NEO1: variants seen among roughly 807,000 people sequenced by gnomAD.
NEO1 encodes neogenin 1.
NEO1 carries 63 observed loss-of-function variants against 159.7 expected under a neutral mutation model. The observed-to-expected ratio is 0.39, with a 90% confidence interval of 0.32 to 0.49. The LOEUF is 0.49. Among genes scored for constraint, NEO1 ranks in the 20% least tolerant of loss-of-function variants. NEO1 has a pLI of 0.85. For missense variants in NEO1, 1,615 were observed against 1,831.0 expected (o/e 0.88, Z 2.15); for synonymous variants, 633 against 662.0 (o/e 0.96, Z 0.67).
Position 73,298,458 on chromosome 15 carries a change from A to G in NEO1, c.4012A>G (p.Ser1338Gly). The G allele has an allele frequency of 6.2e-7, 1 of 1,614,178 alleles. No individual in the cohort carries two copies. Among genetic ancestry groups the G allele is most frequent in the African/African-American group, 1.3e-5 (1 of 75,030 alleles). ...EGATSSSYLASSQEEDSGQSL... is the reference protein window; with the variant it reads ...EGATSSSYLAGSQEEDSGQSL... The stretch of plus-strand genomic sequence containing the variant: ...TGCTACCAGCTCCTCTTACTTGGCC[A>G]GCTCCCAAGAGGAAGATTCAGGCCA... The change falls in exon 27 of 29, where the codon AGC becomes GGC. Residue 1338 changes from serine to glycine, a missense_variant. Physicochemically the swap from Ser to Gly is moderately conservative, Grantham distance 56. This residue lies in a region of NEO1 where 471 missense variants were observed against 498.9 expected (regional missense o/e 0.94). Transcript: ENST00000261908.
intron 1 of NEO1, among the ~76,000 whole-genome samples, chr15:73,106,536 A>C (rs2070702575): frequency 6.6e-6 from 1 of 152,198 alleles, no homozygotes. Context: ...ATTACTTAAA[A>C]TCTTAATTTA....
intron 1 of NEO1, among the ~76,000 whole-genome samples, chr15:73,115,862 G>C (rs934312791): frequency 3.3e-5 from 5 of 152,076 alleles, no homozygotes; most frequent in African/African-American, 1.2e-4. Flanking sequence ...ATGAATTCTA[G>C]ATGAAGATTA....
At chr15:73,265,170 GGTGGGAGAAGACAA>G (rs1463334141) in intron 15 of NEO1, among the ~76,000 whole-genome samples, 2 of 152,152 alleles carry the variant, frequency 1.3e-5, no homozygotes, top group African/African-American at 4.8e-5. Flanking sequence ...GGCAAAGAGT[GGTGGGAGAAGACAA>G]GTAGTAGATT....
intron 5 of NEO1, among the ~76,000 whole-genome samples, chr15:73,136,667 T>A (rs562018756): frequency 6.6e-6 from 1 of 152,298 alleles, no homozygotes; most frequent in Non-Finnish European, 1.5e-5. Flanking sequence ...CTTTTTCTCC[T>A]ACTCTTCCCT....
chr15:73,154,114 T>C (rs931859441), intron 5 of NEO1, among the ~76,000 whole-genome samples: 2 of 152,176 alleles, frequency 1.3e-5, no homozygotes, highest in Non-Finnish European at 2.9e-5. Context: ...TATGTCCTTT[T>C]AAGGAAAATT....
chr15:73,153,235 A>G lies in NEO1; in HGVS notation c.1015+17208A>G, dbSNP rs556054232. 7.9e-5 allele frequency among the ~76,000 whole-genome samples: 12 copies of G among 152,292 alleles called. No individual in the cohort carries two copies. In the East Asian group the frequency reaches 2.3e-3, roughly 29 times the overall value. On this transcript the variant is annotated intron_variant, in intron 5 of 28. Coordinates refer to ENST00000261908, the MANE Select transcript of NEO1 (RefSeq NM_002499.4). ...TGCTGTAACTCAGTCCACAGATCCA[A>G]ATGCTTTTCTCTTCTGGAAACACCC...
intron 5 of NEO1, among the ~76,000 whole-genome samples, chr15:73,161,586 G>T (rs914900589): frequency 1.3e-5 from 2 of 152,140 alleles, no homozygotes; most frequent in Non-Finnish European, 1.5e-5. Flanking sequence ...GCAAAGGGTG[G>T]ATTTCCATCT....
At chr15:73,125,997 A>G (rs1259937076) in intron 3 of NEO1, among the ~76,000 whole-genome samples, 1 of 152,222 alleles carries the variant, frequency 6.6e-6, no homozygotes, top group Non-Finnish European at 1.5e-5. Context: ...ATTCATGTCA[A>G]ATATCTCTCG....
chr15:73,165,953 C>T (rs931992600), intron 5 of NEO1, among the ~76,000 whole-genome samples: 2 of 152,156 alleles, frequency 1.3e-5, no homozygotes, highest in Non-Finnish European at 2.9e-5. Flanking sequence ...CCATTGTGGG[C>T]ATGTCTGGGC....
chr15:73,074,303 C>T (rs1176080712), intron 1 of NEO1, among the ~76,000 whole-genome samples: 2 of 152,124 alleles, frequency 1.3e-5, no homozygotes, highest in East Asian at 1.9e-4. Context: ...ACCAATTTCT[C>T]GTTATTCAGA....
intron 7 of NEO1, among the ~76,000 whole-genome samples, chr15:73,212,888 A>C (rs979476759): frequency 6.6e-6 from 1 of 152,350 alleles, no homozygotes; most frequent in East Asian, 1.9e-4. Flanking sequence ...AAGACATTAC[A>C]TCATATAGCA....
chr15:73,086,561 CTTTT>C (rs56017937), intron 1 of NEO1, among the ~76,000 whole-genome samples: 1 of 128,902 alleles, frequency 7.8e-6, no homozygotes, highest in Non-Finnish European at 1.6e-5. Context: ...TATAGTATGT[CTTTT>C]TTTTTTTTTT....
intron 5 of NEO1, among the ~76,000 whole-genome samples, chr15:73,166,683 GA>G (rs897740154): frequency 3.0e-4 from 46 of 152,312 alleles, no homozygotes; most frequent in Middle Eastern, 6.8e-3. Context: ...TTAAGGAAGA[GA>G]AGTTTTGTTT....
At chr15:73,115,423 A>T (rs2071252556) in intron 1 of NEO1, among the ~76,000 whole-genome samples, 1 of 152,184 alleles carries the variant, frequency 6.6e-6, no homozygotes, top group Non-Finnish European at 1.5e-5. Flanking sequence ...TCATTGAAGT[A>T]TTGGAAAACT....
intron 27 of NEO1, among the ~76,000 whole-genome samples, chr15:73,299,621 G>A (rs1216533234): frequency 6.6e-6 from 1 of 152,146 alleles, no homozygotes; most frequent in Non-Finnish European, 1.5e-5. Context: ...TCCTGACCTC[G>A]TGATCCGCCC....
intron 7 of NEO1, among the ~76,000 whole-genome samples, chr15:73,216,195 T>A (rs2037873081): frequency 6.6e-6 from 1 of 152,036 alleles, no homozygotes; most frequent in African/African-American, 2.4e-5. Context: ...TGGTTTTTTG[T>A]TCTTGTGATA....
At chr15:73,178,852 A>G (rs2035436124) in intron 7 of NEO1, among the ~76,000 whole-genome samples, 3 of 152,194 alleles carry the variant, frequency 2.0e-5, no homozygotes, top group South Asian at 2.1e-4. Context: ...CTGCTTACAT[A>G]TAAGTGACAA....
intron 5 of NEO1, among the ~76,000 whole-genome samples, chr15:73,164,461 C>T (rs752739256): frequency 1.3e-5 from 2 of 151,152 alleles, no homozygotes; most frequent in Non-Finnish European, 2.9e-5. Context: ...GTAATCTACC[C>T]GCCTCAGCCT....
intron 14 of NEO1, 130 bp downstream of exon 14, chr15:73,259,006 T>C: frequency 1.4e-6 from 1 of 715,774 alleles, no homozygotes; most frequent in East Asian, 2.7e-5. Context: ...CACGCTGCTG[T>C]TGTTCCTGTA....
Sources: allele counts gnomAD v4.1 joint callset (sites outside exome capture counted in the v4.1 genomes callset), GRCh38; gene constraint gnomAD v4.1.1; regional missense constraint gnomAD v4.1.1; transcripts MANE v1.5; gene names NCBI Gene and HGNC (gene_info 2026-07-23, HGNC 2026-07-21).